Variants in UBXN2A observed in about 807,000 individuals in gnomAD.
The protein encoded by UBXN2A is UBX domain protein 2A.
UBXN2A carries 28 observed loss-of-function variants against 28.4 expected under a neutral mutation model. That is an observed-to-expected ratio of 0.99 (90% CI 0.73 to 1.35). The LOEUF is 1.35. Among genes scored for constraint, UBXN2A ranks in the 40% most tolerant of loss-of-function variants. The pLI, the probability that UBXN2A is intolerant of heterozygous loss-of-function variation, is 0.00. For missense variants in UBXN2A, 253 were observed against 297.9 expected (o/e 0.85, Z 1.11); for synonymous variants, 97 against 103.6 (o/e 0.94, Z 0.39).
At chr2:23,980,391 A>G (rs987003660) in intron 4 of UBXN2A, among the ~76,000 whole-genome samples, 8 of 152,214 alleles carry the variant, frequency 5.3e-5, no homozygotes, top group African/African-American at 1.9e-4. Flanking sequence ...GTACCATTTA[A>G]CATTTCTACC....
intron 5 of UBXN2A, 120 bp from the exon 6 acceptor site, chr2:23,984,551 CAT>C: frequency 2.5e-6 from 2 of 793,226 alleles, no homozygotes; most frequent in Non-Finnish European, 3.5e-6. Context: ...TGAAGAAACA[CAT>C]ATAACTTAAA....
At chr2:23,935,346 A>G (rs150487644) in intron 1 of UBXN2A, among the ~76,000 whole-genome samples, 150 of 152,340 alleles carry the variant, frequency 9.8e-4, no homozygotes, top group African/African-American at 3.5e-3. Context: ...ATTACTATCC[A>G]TAATATGTAT....
intron 1 of UBXN2A, chr2:23,927,637 G>C (rs1051065693): frequency 1.6e-5 from 2 of 126,174 alleles, no homozygotes; most frequent in Non-Finnish European, 3.5e-5. Context: ...AAGAGAAGGG[G>C]GGGGGGAAAC....
chr2:23,976,503 C>T (rs1707668408), intron 3 of UBXN2A, among the ~76,000 whole-genome samples: 2 of 152,146 alleles, frequency 1.3e-5, no homozygotes, highest in Admixed American at 1.3e-4. Flanking sequence ...CTTAGTTCCA[C>T]ATGGCTGGGG....
chr2:23,971,464 A>C, intron 3 of UBXN2A, 50 bp downstream of exon 3: 1 of 1,465,840 alleles, frequency 6.8e-7, no homozygotes, highest in Non-Finnish European at 9.1e-7. Flanking sequence ...TTCTCAATAT[A>C]TGGACCTGTT....
At chr2:23,930,638 G>A (rs1344304069) in intron 1 of UBXN2A, among the ~76,000 whole-genome samples, 2 of 151,928 alleles carry the variant, frequency 1.3e-5, no homozygotes, top group East Asian at 3.9e-4. Context: ...GTGGGAAGAT[G>A]GCTTGAGTTC....
Position 23,999,965 on chromosome 2 carries a change from T to C in UBXN2A, c.*98T>C, listed in dbSNP as rs878946800. The C allele has an allele frequency of 4.3e-5, 55 of 1,271,606 alleles. 1 individual carries two copies. The South Asian group carries it at 7.9e-4, about 18-fold the overall frequency. 78.8% of individuals were successfully genotyped at this position (1,271,606 alleles called of 1,614,324 possible). ...ATTGGAGAAGTCAGACTCACTAGACTTTTGGTTCGAGTACTATTGAACTCT... is the reference window on the plus strand; with the variant it reads ...ATTGGAGAAGTCAGACTCACTAGACCTTTGGTTCGAGTACTATTGAACTCT... On this transcript the variant is annotated 3_prime_UTR_variant, in exon 7 of 7. Coordinates refer to ENST00000309033, the MANE Select transcript of UBXN2A (RefSeq NM_181713.4).
intron 2 of UBXN2A, among the ~76,000 whole-genome samples, chr2:23,967,708 G>A (rs1468565154): frequency 6.6e-6 from 1 of 152,174 alleles, no homozygotes; most frequent in Admixed American, 6.5e-5. Flanking sequence ...CTGATTAAAG[G>A]AAGGGGAAAA....
At chr2:23,947,915 C>T (rs1056962845) in intron 1 of UBXN2A, among the ~76,000 whole-genome samples, 23 of 152,082 alleles carry the variant, frequency 1.5e-4, no homozygotes, top group African/African-American at 5.3e-4. Flanking sequence ...AGTGCAATGG[C>T]GGGGGCTCAG....
chr2:23,945,176 C>G (rs1269565849), intron 1 of UBXN2A, among the ~76,000 whole-genome samples: 1 of 152,064 alleles, frequency 6.6e-6, no homozygotes, highest in Non-Finnish European at 1.5e-5. Context: ...TTGGTCAGCC[C>G]TGGAATGACT....
intron 1 of UBXN2A, among the ~76,000 whole-genome samples, chr2:23,949,907 G>C (rs1706279341): frequency 6.6e-6 from 1 of 151,974 alleles, no homozygotes; most frequent in South Asian, 2.1e-4. Context: ...TAAATGTGTG[G>C]GGTACAAGTA....
At chr2:23,964,647 A>G (rs1210844238) in intron 2 of UBXN2A, among the ~76,000 whole-genome samples, 1 of 152,252 alleles carries the variant, frequency 6.6e-6, no homozygotes, top group Non-Finnish European at 1.5e-5. Flanking sequence ...GTTTCAGTTA[A>G]GCAAGATGAA....
chr2:23,984,540 C>T, intron 5 of UBXN2A, 133 bp from the exon 6 acceptor site: 1 of 688,650 alleles, frequency 1.5e-6, no homozygotes, highest in East Asian at 3.9e-5. Context: ...TCTGTTATTA[C>T]TGAAGAAACA....
chr2:23,927,867 A>G (rs1705142726), intron 1 of UBXN2A, among the ~76,000 whole-genome samples: 1 of 152,152 alleles, frequency 6.6e-6, no homozygotes. Context: ...ATTAAGCCAC[A>G]CAATTCATAT....
chr2:23,937,942 G>A (rs1167479869), upstream of UBXN2A, among the ~76,000 whole-genome samples: 2 of 152,146 alleles, frequency 1.3e-5, no homozygotes, highest in Non-Finnish European at 2.9e-5. Context: ...GCATGTTACT[G>A]TATTGAATAC....
At chr2:23,938,466 C>CA (rs1010835879), upstream of UBXN2A, among the ~76,000 whole-genome samples, 59 of 145,488 alleles carry the variant, frequency 4.1e-4, no homozygotes, top group East Asian at 1.0e-3. Context: ...AACTCCATCT[C>CA]AAAAAAAAAA....
At chr2:23,935,170 A>G (rs1008377573) in intron 1 of UBXN2A, among the ~76,000 whole-genome samples, 13 of 152,218 alleles carry the variant, frequency 8.5e-5, no homozygotes, top group Non-Finnish European at 1.6e-4. Context: ...ATGACATTGT[A>G]TTTGGCAATA....
intron 6 of UBXN2A, among the ~76,000 whole-genome samples, chr2:23,985,894 G>A (rs1181280688): frequency 6.6e-6 from 1 of 152,072 alleles, no homozygotes; most frequent in African/African-American, 2.4e-5. Flanking sequence ...AGCTACTTGG[G>A]AGGAGAATTG....
chr2:23,997,689 G>A lies in UBXN2A; in HGVS notation c.585-1983G>A, dbSNP rs1166027671. ...TCTCAGTCTCTTGATCTCGTGATCT[G>A]CCTGCCTCGGCCTCCCAAAGTGCTG... On this transcript the variant is annotated intron_variant, in intron 6 of 6. Coordinates refer to ENST00000309033, the MANE Select transcript of UBXN2A (RefSeq NM_181713.4). Among the ~76,000 whole-genome samples the A allele has an allele frequency of 2.0e-5, 3 of 151,646 alleles. No homozygotes were observed. In the East Asian group the frequency reaches 5.8e-4, roughly 30 times the overall value.
Sources: allele counts gnomAD v4.1 joint callset (sites outside exome capture counted in the v4.1 genomes callset), GRCh38; gene constraint gnomAD v4.1.1; transcripts MANE v1.5; gene names NCBI Gene and HGNC (gene_info 2026-07-23, HGNC 2026-07-21).